VAMP1: variants seen among roughly 807,000 people sequenced by gnomAD.
The protein encoded by VAMP1 is vesicle associated membrane protein 1, also known as vesicle-associated membrane protein 1.
In VAMP1, 16 loss-of-function variants were observed where a neutral mutation model predicts 19.1. That is an observed-to-expected ratio of 0.84 (90% confidence interval 0.57 to 1.27). VAMP1 has a LOEUF of 1.27. Ranked by LOEUF, VAMP1 falls within the 50% of genes most tolerant of loss-of-function variation. The pLI, the probability that VAMP1 is intolerant of heterozygous loss-of-function variation, is 0.00. For synonymous variants in VAMP1, 37 were observed against 50.2 expected (o/e 0.74, Z 1.11); for missense variants, 109 against 145.4 (o/e 0.75, Z 1.29).
chr12:6,469,887 G>A (rs942066417), intron 1 of VAMP1, among the ~76,000 whole-genome samples: 3 of 152,180 alleles, frequency 2.0e-5, no homozygotes, highest in South Asian at 2.1e-4. Context: ...CTCGGTGATA[G>A]AAAAACATCT....
chr12:6,470,441 C>A, intron 1 of VAMP1, 89 bp downstream of exon 1: 1 of 1,588,252 alleles, frequency 6.3e-7, no homozygotes, highest in Non-Finnish European at 8.6e-7. Context: ...GCAGCTGCTG[C>A]ATTGCGCCAT....
rs1207495977 is a variant in VAMP1, at chr12:6,462,257, T to C, written c.*2213A>G. ...GCCAGTTTAATGGTAGGAATTTGTA[T>C]TTTTTGCCTTTGTTCAGAATACATG... On this transcript the variant is annotated 3_prime_UTR_variant, in exon 5 of 5. Transcript: ENST00000396308. 11 of 977,280 alleles carry C rather than the reference T, an allele frequency of 1.1e-5. No homozygotes were observed. Among genetic ancestry groups the C allele is most frequent in the Non-Finnish European group, 1.5e-5 (10 of 667,812 alleles). The allele number at this position is 977,280 out of a possible 1,614,324, so 60.5% of individuals were successfully genotyped here.
rs1335064170 is a variant in VAMP1 at position 6,464,193 on chromosome 12, T to C, written c.*277A>G. ...CCCCTTCCCTTGGCCTCCAACTCTTTGGGGCTTTGGGGGAACTTGAGAGTA... is the reference window on the plus strand; with the variant it reads ...CCCCTTCCCTTGGCCTCCAACTCTTCGGGGCTTTGGGGGAACTTGAGAGTA... On this transcript the variant is annotated 3_prime_UTR_variant, in exon 5 of 5. Transcript: ENST00000396308. 6.1e-6 allele frequency: 9 copies of C among 1,471,588 alleles called. No individual in the cohort carries two copies. Among genetic ancestry groups the C allele is most frequent in the Non-Finnish European group, 8.1e-6 (9 of 1,105,382 alleles). 91.2% of individuals were successfully genotyped at this position (1,471,588 alleles called of 1,614,324 possible).
chr12:6,463,583 G>T lies in VAMP1; in HGVS notation c.*887C>A. On this transcript the variant is annotated 3_prime_UTR_variant, in exon 5 of 5. Transcript: ENST00000396308. The surrounding 1 kb of genome is among the most constrained non-coding windows in gnomAD (Gnocchi z 4.0). ...CTTGTTACTTTCAAATTAAGCACTTGACTCACTGTTTCTCTATAACTAACA... is the reference window on the plus strand; with the variant it reads ...CTTGTTACTTTCAAATTAAGCACTTTACTCACTGTTTCTCTATAACTAACA... The T allele has an allele frequency of 9.4e-7, 1 of 1,063,258 alleles. No individual in the cohort carries two copies. The allele number at this position is 1,063,258 out of a possible 1,614,324, so 65.9% of individuals were successfully genotyped here. A position where few individuals can be genotyped will look rare whatever the true frequency, so the allele number is the denominator to read the frequency against.
At position 6,462,859 on chromosome 12, in the gene VAMP1, G is replaced by A. The variant is rs772428179; in HGVS notation, c.*1611C>T. On this transcript the variant is annotated 3_prime_UTR_variant, in exon 5 of 5. Coordinates refer to ENST00000396308, the MANE Select transcript of VAMP1 (RefSeq NM_014231.5). ...AGTCCCGCCCTTGGGCAGGACGAAG[G>A]GAATGTGGGAAACAAGGGCGAAAGG... is the stretch of plus-strand genomic sequence containing the variant. 2 of 1,605,144 alleles carry A rather than the reference G, an allele frequency of 1.2e-6. No homozygotes were observed. Among genetic ancestry groups the A allele is most frequent in the South Asian group, 2.2e-5 (2 of 89,110 alleles).
intron 1 of VAMP1, among the ~76,000 whole-genome samples, chr12:6,470,198 T>C (rs952974180): frequency 6.6e-6 from 1 of 152,032 alleles, no homozygotes; most frequent in African/African-American, 2.4e-5. Flanking sequence ...CCCTGCCCAG[T>C]TGTCTCCATC....
At chr12:6,469,081 G>C (rs1329166648) in intron 1 of VAMP1, among the ~76,000 whole-genome samples, 1 of 152,196 alleles carries the variant, frequency 6.6e-6, no homozygotes, top group East Asian at 1.9e-4. Flanking sequence ...TCCTCAGAGA[G>C]GCTATGGTAG....
chr12:6,464,873 A>T lies in VAMP1; in HGVS notation c.340+17T>A, dbSNP rs1949966400. The T allele has an allele frequency of 6.2e-7, 1 of 1,614,008 alleles. No individual in the cohort carries two copies. The highest frequency in any genetic ancestry group is 8.5e-7 in the Non-Finnish European group (1 of 1,179,990). ...TTCCCACCTCTTCACCCCACCAGCA[A>T]CTTCAGCGATACTTACTTACAATAA... On this transcript the variant is annotated intron_variant, in intron 4 of 4. Coordinates refer to ENST00000396308, the MANE Select transcript of VAMP1 (RefSeq NM_014231.5).
In VAMP1 at chr12:6,463,095, A is replaced by G. The variant is rs1949922838; in HGVS notation, c.*1375T>C. 5.3e-6 allele frequency: 8 copies of G among 1,522,754 alleles called. No homozygotes were observed. The highest frequency in any genetic ancestry group is 7.0e-6 in the Non-Finnish European group (8 of 1,138,868). The allele number at this position is 1,522,754 out of a possible 1,614,324, so 94.3% of individuals were successfully genotyped here. On this transcript the variant is annotated 3_prime_UTR_variant, in exon 5 of 5. Transcript: ENST00000396308. The surrounding 1 kb of genome is among the most constrained non-coding windows in gnomAD (Gnocchi z 4.0). ...TAATAGCCCATCCTGAAGCTCAGCA[A>G]TTGCCCCGAAGATAGGCTGAGCAGA...
Position 6,463,287 on chromosome 12 carries a change from T to C in VAMP1, c.*1183A>G. The C allele has an allele frequency of 7.8e-7, 1 of 1,286,420 alleles. No homozygotes were observed. Among genetic ancestry groups the C allele is most frequent in the Non-Finnish European group, 9.9e-7 (1 of 1,011,128 alleles). The allele number at this position is 1,286,420 out of a possible 1,614,324, so 79.7% of individuals were successfully genotyped here. A position where few individuals can be genotyped will look rare whatever the true frequency, so the allele number is the denominator to read the frequency against. On this transcript the variant is annotated 3_prime_UTR_variant, in exon 5 of 5. Coordinates refer to ENST00000396308, the MANE Select transcript of VAMP1 (RefSeq NM_014231.5). This position sits in a 1 kb window ranked among gnomAD's most constrained non-coding sequence, Gnocchi z 4.0. ...AGAGGGCCCCATGACAGCACAGCAA[T>C]ACACAAGCACACCTGACACAGGCTG...
In VAMP1 at chr12:6,463,501, A is replaced by G; in HGVS notation, c.*969T>C. ...CTAACACCCTCACGCTCCTTCATCA[A>G]CAGGAAGAGAGGAACAGGACCCTCT... On this transcript the variant is annotated 3_prime_UTR_variant, in exon 5 of 5. Coordinates refer to ENST00000396308, the MANE Select transcript of VAMP1 (RefSeq NM_014231.5). This position sits in a 1 kb window ranked among gnomAD's most constrained non-coding sequence, Gnocchi z 4.0. 9.6e-7 allele frequency: 1 copy of G among 1,038,484 alleles called. No individual in the cohort carries two copies. The highest frequency in any genetic ancestry group is 9.4e-5 in the East Asian group (1 of 10,656). 64.3% of individuals were successfully genotyped at this position (1,038,484 alleles called of 1,614,324 possible).
Position 6,462,957 on chromosome 12 carries a change from C to T in VAMP1, c.*1513G>A. The T allele has an allele frequency of 6.4e-7, 1 of 1,553,586 alleles. No individual in the cohort carries two copies. ...GGCATCCAGACCCTGCCCAGCATGG[C>T]CTCAGCCTCTTCCTGTTCGTGGACC... On this transcript the variant is annotated 3_prime_UTR_variant, in exon 5 of 5. Transcript: ENST00000396308.
At position 6,462,392 on chromosome 12, in the gene VAMP1, A is replaced by C; in HGVS notation, c.*2078T>G. 1 of 499,418 alleles carries C rather than the reference A, an allele frequency of 2.0e-6. No individual in the cohort carries two copies. The highest frequency in any genetic ancestry group is 3.6e-6 in the Non-Finnish European group (1 of 280,722). 30.9% of individuals were successfully genotyped at this position (499,418 alleles called of 1,614,324 possible). A position where few individuals can be genotyped will look rare whatever the true frequency, so the allele number is the denominator to read the frequency against. On this transcript the variant is annotated 3_prime_UTR_variant, in exon 5 of 5. Transcript: ENST00000396308. ...AAAAGACAAAGAGGTGATGACAGAC[A>C]CACAGTGGAAACCCCACATCGTCTC...
chr12:6,464,330 CG>C lies in VAMP1; in HGVS notation c.*139del. On this transcript the variant is annotated 3_prime_UTR_variant, in exon 5 of 5. Coordinates refer to ENST00000396308, the MANE Select transcript of VAMP1 (RefSeq NM_014231.5). ...AGGGACAGAGTGCAAATGAACGCAA[CG>C]AAAAAGGAGGAATGGGTGATGGAGA... 1.3e-6 allele frequency: 2 copies of C among 1,548,936 alleles called. No individual in the cohort carries two copies. The highest frequency in any genetic ancestry group is 1.7e-6 in the Non-Finnish European group (2 of 1,145,864).
rs1012989910 is a variant in VAMP1 at position 6,464,302 on chromosome 12, T to C, written c.*168A>G. On this transcript the variant is annotated 3_prime_UTR_variant, in exon 5 of 5. Coordinates refer to ENST00000396308, the MANE Select transcript of VAMP1 (RefSeq NM_014231.5). The stretch of plus-strand genomic sequence containing the variant: ...TGTGCCACGAGCAGCATTTCTAGTG[T>C]TGAGGGACAGAGTGCAAATGAACGC... 1 of 1,543,232 alleles carries C rather than the reference T, an allele frequency of 6.5e-7. No homozygotes were observed. The highest frequency in any genetic ancestry group is 1.4e-5 in the African/African-American group (1 of 72,702).
At position 6,462,733 on chromosome 12, in the gene VAMP1, A is replaced by G; in HGVS notation, c.*1737T>C. On this transcript the variant is annotated 3_prime_UTR_variant, in exon 5 of 5. Transcript: ENST00000396308. Reference sequence around the variant, plus strand: ...TCGAGGACAGTGGTGGTTCTTCTCCAGCGGTGACCCCCTGCATTAGGCAAG... The same window carrying G: ...TCGAGGACAGTGGTGGTTCTTCTCCGGCGGTGACCCCCTGCATTAGGCAAG... 1 of 1,287,992 alleles carries G rather than the reference A, an allele frequency of 7.8e-7. No individual in the cohort carries two copies. The highest frequency in any genetic ancestry group is 1.5e-5 in the South Asian group (1 of 68,238). The allele number at this position is 1,287,992 out of a possible 1,614,324, so 79.8% of individuals were successfully genotyped here. A position where few individuals can be genotyped will look rare whatever the true frequency, so the allele number is the denominator to read the frequency against.
In VAMP1 at chr12:6,466,119, G is replaced by T. The variant is rs1360073816; in HGVS notation, c.129+106C>A. On this transcript the variant is annotated intron_variant, in intron 2 of 4. Transcript: ENST00000396308. ...CTCTAAAGGGTGCTTTGCCTCTCAG[G>T]GCCTTTGACTATTCTCCTACGAAAA... 4.3e-6 allele frequency: 7 copies of T among 1,610,550 alleles called. No homozygotes were observed. In the African/African-American group the frequency reaches 8.0e-5, roughly 19 times the overall value.
chr12:6,464,836 G>C, intron 4 of VAMP1, 54 bp downstream of exon 4: 1 of 1,611,590 alleles, frequency 6.2e-7, no homozygotes, highest in African/African-American at 1.3e-5. Context: ...GCAGGGAGAA[G>C]ACTCCAGGAC....
At chr12:6,470,128 C>G (rs1235291063) in intron 1 of VAMP1, among the ~76,000 whole-genome samples, 3 of 152,204 alleles carry the variant, frequency 2.0e-5, no homozygotes, top group Non-Finnish European at 4.4e-5. Context: ...GCACCCATGA[C>G]TGTCTTTCCT....
Sources: allele counts gnomAD v4.1 joint callset (sites outside exome capture counted in the v4.1 genomes callset), GRCh38; gene constraint gnomAD v4.1.1; non-coding constraint Gnocchi (gnomAD v3.1); transcripts MANE v1.5; gene names NCBI Gene and HGNC (gene_info 2026-07-23, HGNC 2026-07-21).